LOC128092252: variants seen among roughly 807,000 people sequenced by gnomAD.
At chr15:50,664,168 T>G in the LOC128092252 span, among the ~76,000 whole-genome samples, 1 of 151,434 alleles carries the variant, frequency 6.6e-6, no homozygotes, top group Non-Finnish European at 1.5e-5. Context: ...TGTGGTGGCG[T>G]GTGCCTGTAA....
the LOC128092252 span, among the ~76,000 whole-genome samples, chr15:50,677,760 A>C: frequency 1.5e-5 from 2 of 135,500 alleles, no homozygotes; most frequent in South Asian, 2.4e-4. Context: ...AAAAAAAAAA[A>C]CAAAAGGTAA....
At chr15:50,661,695 T>C in the LOC128092252 span, among the ~76,000 whole-genome samples, 1 of 152,222 alleles carries the variant, frequency 6.6e-6, no homozygotes, top group Non-Finnish European at 1.5e-5. Flanking sequence ...GCTATGTTTT[T>C]CTAAGAGTTA....
chr15:50,648,970 A>C, the LOC128092252 span: 1 of 999,360 alleles, frequency 1.0e-6, no homozygotes, highest in Non-Finnish European at 1.4e-6. Context: ...GAACCGACAA[A>C]TATAAGCTTT....
At chr15:50,660,816 G>A in the LOC128092252 span, among the ~76,000 whole-genome samples, 7 of 152,020 alleles carry the variant, frequency 4.6e-5, no homozygotes, top group Admixed American at 4.6e-4. Context: ...ATAACCTAAG[G>A]GGGGAAAATC....
At chr15:50,661,547 ATTT>A in the LOC128092252 span, among the ~76,000 whole-genome samples, 1 of 151,976 alleles carries the variant, frequency 6.6e-6, no homozygotes, top group Non-Finnish European at 1.5e-5. Flanking sequence ...AAAGTTAAGA[ATTT>A]TTTAAAATGT....
chr15:50,659,140 G>A, the LOC128092252 span, among the ~76,000 whole-genome samples: 1 of 151,528 alleles, frequency 6.6e-6, no homozygotes, highest in African/African-American at 2.4e-5. Context: ...AGAGCTTGCA[G>A]TGAGACTACG....
the LOC128092252 span, among the ~76,000 whole-genome samples, chr15:50,651,376 T>C: frequency 6.6e-6 from 1 of 152,218 alleles, no homozygotes; most frequent in African/African-American, 2.4e-5. Flanking sequence ...CCGGGTGTGG[T>C]GGCTCACGCC....
the LOC128092252 span, among the ~76,000 whole-genome samples, chr15:50,671,156 T>C: frequency 2.0e-5 from 3 of 152,322 alleles, no homozygotes; most frequent in African/African-American, 7.2e-5. Flanking sequence ...CTTGAAATTA[T>C]TCTTCCTAAC....
At chr15:50,671,926 G>C in the LOC128092252 span, among the ~76,000 whole-genome samples, 1 of 152,194 alleles carries the variant, frequency 6.6e-6, no homozygotes, top group African/African-American at 2.4e-5. Flanking sequence ...TTACATAGAA[G>C]TATGGCATAT....
At chr15:50,663,506 A>C in the LOC128092252 span, among the ~76,000 whole-genome samples, 6 of 152,308 alleles carry the variant, frequency 3.9e-5, no homozygotes, top group Non-Finnish European at 8.8e-5. Flanking sequence ...CCAAAACGTC[A>C]GAATAATTCC....
At chr15:50,654,337 C>T in the LOC128092252 span, among the ~76,000 whole-genome samples, 1 of 151,168 alleles carries the variant, frequency 6.6e-6, no homozygotes. Flanking sequence ...ATCCCAGCTA[C>T]TCGGGAGGCT....
chr15:50,669,470 C>T, the LOC128092252 span, among the ~76,000 whole-genome samples: 2 of 151,952 alleles, frequency 1.3e-5, no homozygotes, highest in African/African-American at 4.8e-5. Context: ...ATGCTGGGCT[C>T]GGTTTTAAAA....
chr15:50,676,698 T>G, the LOC128092252 span, among the ~76,000 whole-genome samples: 24 of 152,124 alleles, frequency 1.6e-4, no homozygotes, highest in Admixed American at 1.6e-3. Flanking sequence ...TAAGGCTTTT[T>G]GCCTGAAAAC....
chr15:50,648,813 C>T, the LOC128092252 span: 1 of 1,613,366 alleles, frequency 6.2e-7, no homozygotes, highest in Non-Finnish European at 8.5e-7. Context: ...CACCCAATTT[C>T]ACATCTGAGT....
At chr15:50,657,676 A>AT in the LOC128092252 span, 1 of 1,024,472 alleles carries the variant, frequency 9.8e-7, no homozygotes, top group East Asian at 2.6e-5. Flanking sequence ...CCCATCAAAT[A>AT]TAATAGCATG....
chr15:50,679,538 A>ATTTTTTTTTTTTTTTTT, the LOC128092252 span, among the ~76,000 whole-genome samples: 1 of 43,900 alleles, frequency 2.3e-5, no homozygotes, highest in African/African-American at 1.1e-4. Flanking sequence ...ATATATATAT[A>ATTTTTTTTTTTTTTTTT]TTTTTTTTTT....
chr15:50,652,447 G>T, the LOC128092252 span, among the ~76,000 whole-genome samples: 1 of 143,280 alleles, frequency 7.0e-6, no homozygotes, highest in African/African-American at 2.6e-5. Flanking sequence ...TTGATAAACT[G>T]AAGTCAGAAT....
the LOC128092252 span, among the ~76,000 whole-genome samples, chr15:50,661,243 G>C: frequency 6.6e-6 from 1 of 152,044 alleles, no homozygotes; most frequent in African/African-American, 2.4e-5. Context: ...CCAAAGTGCT[G>C]GGATTACAGG....
chr15:50,676,626 AG>A, the LOC128092252 span, among the ~76,000 whole-genome samples: 1 of 152,080 alleles, frequency 6.6e-6, no homozygotes, highest in Non-Finnish European at 1.5e-5. Flanking sequence ...AAAAGCAAGC[AG>A]AAACCAGACG....
Sources: allele counts gnomAD v4.1 joint callset (sites outside exome capture counted in the v4.1 genomes callset), GRCh38; gene constraint gnomAD v4.1.1; transcripts MANE v1.5.